TBC1D5: variants seen among roughly 807,000 people sequenced by gnomAD.
The protein encoded by TBC1D5 is TBC1 domain family member 5, also known as TBC1 domain family, member 5.
TBC1D5 carries 75 observed loss-of-function variants against 100.3 expected under a neutral mutation model. The ratio of observed to expected loss-of-function variants is 0.75; its 90% confidence interval spans 0.62 to 0.91. TBC1D5 has a LOEUF of 0.91. TBC1D5 is among the 40% of genes least tolerant of loss of function. The pLI, the probability that TBC1D5 is intolerant of heterozygous loss-of-function variation, is 0.00. For synonymous variants in TBC1D5, 323 were observed against 325.6 expected (o/e 0.99, Z 0.09); for missense variants, 910 against 942.4 (o/e 0.97, Z 0.45).
intron 13 of TBC1D5, among the ~76,000 whole-genome samples, chr3:17,342,685 C>T (rs984268549): frequency 6.6e-6 from 1 of 152,062 alleles, no homozygotes; most frequent in African/African-American, 2.4e-5. Flanking sequence ...AAAAAGATAC[C>T]CCTAATCTCA....
chr3:17,632,756 A>T (rs903253213), intron 1 of TBC1D5, among the ~76,000 whole-genome samples: 15 of 152,138 alleles, frequency 9.9e-5, no homozygotes, highest in African/African-American at 2.4e-4. Context: ...GCTTTTTTTT[A>T]AAATTAAGGT....
intron 3 of TBC1D5, among the ~76,000 whole-genome samples, chr3:17,449,331 C>A (rs1261174091): frequency 1.3e-5 from 2 of 152,162 alleles, no homozygotes; most frequent in Non-Finnish European, 2.9e-5. Flanking sequence ...AGACACCAAG[C>A]TAGTAGGAGT....
Position 17,221,671 on chromosome 3 carries a change from G to A in TBC1D5, c.1589-7301C>T, listed in dbSNP as rs945427175. On this transcript the variant is annotated intron_variant, in intron 17 of 21. Transcript: ENST00000253692. ...AGCTGGGAATGGGCCTCAGTTAACA[G>A]ACAGTAGGGGAATGAGGACCTTGGT... 1.2e-4 allele frequency among the ~76,000 whole-genome samples: 19 copies of A among 152,172 alleles called. 1 individual carries two copies. Among genetic ancestry groups the A allele is most frequent in the Admixed American group, 1.2e-3 (19 of 15,266 alleles).
chr3:17,169,275 C>T (rs1484094612), intron 19 of TBC1D5, among the ~76,000 whole-genome samples: 4 of 152,170 alleles, frequency 2.6e-5, no homozygotes, highest in South Asian at 2.1e-4. Context: ...TGGTGCATTA[C>T]AGGTACACAA....
At chr3:17,692,212 C>A (rs1420763551) in intron 1 of TBC1D5, among the ~76,000 whole-genome samples, 1 of 152,154 alleles carries the variant, frequency 6.6e-6, no homozygotes, top group Non-Finnish European at 1.5e-5. Context: ...CTGCCTCAGC[C>A]TCCCAAGACG....
chr3:17,317,160 A>G (rs1477942954), intron 13 of TBC1D5, among the ~76,000 whole-genome samples: 1 of 152,234 alleles, frequency 6.6e-6, no homozygotes. Context: ...TAATTAGAAT[A>G]GCAACATATA....
At chr3:17,382,499 T>A (rs2092986884) in intron 9 of TBC1D5, among the ~76,000 whole-genome samples, 1 of 152,038 alleles carries the variant, frequency 6.6e-6, no homozygotes, top group Non-Finnish European at 1.5e-5. Flanking sequence ...TTACTTAAAG[T>A]CTTCTCATCC....
chr3:17,633,327 T>C (rs2153679720), intron 1 of TBC1D5, among the ~76,000 whole-genome samples: 1 of 152,046 alleles, frequency 6.6e-6, no homozygotes, highest in Non-Finnish European at 1.5e-5. Flanking sequence ...AAATCCCAGC[T>C]ACCTGGGAGG....
At chr3:17,429,082 A>C (rs1488708151) in intron 3 of TBC1D5, among the ~76,000 whole-genome samples, 1 of 152,000 alleles carries the variant, frequency 6.6e-6, no homozygotes, top group Non-Finnish European at 1.5e-5. Context: ...AACTGTCAAA[A>C]GTTCGGCAAT....
chr3:17,281,969 T>C lies in TBC1D5; in HGVS notation c.1245+9926A>G, dbSNP rs76431269. Among the ~76,000 whole-genome samples the C allele has an allele frequency of 9.4e-3, 1,429 of 152,328 alleles. 65 individuals are homozygous for C. The East Asian group carries it at 0.16, about 17-fold the overall frequency. On this transcript the variant is annotated intron_variant, in intron 15 of 21. Transcript: ENST00000253692. The stretch of plus-strand genomic sequence containing the variant: ...TGTAATCTTCAATTTCGTTAAATCA[T>C]AACTTTAAGATGACACAGAAATACT...
chr3:17,226,312 T>G (rs2074898501), intron 17 of TBC1D5, among the ~76,000 whole-genome samples: 1 of 54,196 alleles, frequency 1.8e-5, no homozygotes, highest in Non-Finnish European at 5.0e-5. Flanking sequence ...CTACATACCT[T>G]TTTTTTTTTT....
intron 15 of TBC1D5, among the ~76,000 whole-genome samples, chr3:17,275,769 G>A (rs748668651): frequency 5.9e-5 from 9 of 152,140 alleles, no homozygotes; most frequent in Admixed American, 2.0e-4. Flanking sequence ...TGGGAAAGAC[G>A]GCCTGAGTTA....
chr3:17,650,420 C>T (rs970834954), intron 1 of TBC1D5, among the ~76,000 whole-genome samples: 2 of 152,098 alleles, frequency 1.3e-5, no homozygotes, highest in South Asian at 4.1e-4. Context: ...TGCACATGTA[C>T]ATGGACAGGC....
At chr3:17,177,341 C>T (rs945771365) in intron 19 of TBC1D5, among the ~76,000 whole-genome samples, 3 of 152,058 alleles carry the variant, frequency 2.0e-5, no homozygotes, top group African/African-American at 4.8e-5. Context: ...AGATGCTGAC[C>T]AATTGTTGCA....
chr3:17,682,592 G>C (rs374171630), intron 1 of TBC1D5, among the ~76,000 whole-genome samples: 6 of 151,130 alleles, frequency 4.0e-5, no homozygotes, highest in African/African-American at 1.5e-4. Flanking sequence ...AAGACTATTA[G>C]AAATTACTCA....
chr3:17,438,474 C>T (rs1222503983), intron 3 of TBC1D5, among the ~76,000 whole-genome samples: 1 of 152,124 alleles, frequency 6.6e-6, no homozygotes, highest in Non-Finnish European at 1.5e-5. Flanking sequence ...AGTTAGTTCT[C>T]ACGAGATCTG....
intron 2 of TBC1D5, among the ~76,000 whole-genome samples, chr3:17,521,437 T>C (rs1321353089): frequency 6.6e-6 from 1 of 152,244 alleles, no homozygotes; most frequent in African/African-American, 2.4e-5. Flanking sequence ...ATTGTAAGAA[T>C]ACAGTATAGT....
At chr3:17,583,610 C>T (rs1418222766) in intron 2 of TBC1D5, among the ~76,000 whole-genome samples, 1 of 152,048 alleles carries the variant, frequency 6.6e-6, no homozygotes, top group African/African-American at 2.4e-5. Flanking sequence ...ATCTGTAGTC[C>T]CAGCTACTCA....
chr3:17,420,130 T>TTA (rs2094174000), intron 4 of TBC1D5, among the ~76,000 whole-genome samples: 2 of 152,056 alleles, frequency 1.3e-5, no homozygotes, highest in African/African-American at 4.8e-5. Flanking sequence ...TCTTGAGGGT[T>TTA]TAGCACACTG....
Sources: allele counts gnomAD v4.1 joint callset (sites outside exome capture counted in the v4.1 genomes callset), GRCh38; gene constraint gnomAD v4.1.1; transcripts MANE v1.5; gene names NCBI Gene and HGNC (gene_info 2026-07-23, HGNC 2026-07-21).